Variants in PAQR5 observed in about 807,000 individuals in gnomAD.
PAQR5 encodes the protein membrane progestin receptor gamma.
A neutral mutation model predicts 34.5 loss-of-function variants in PAQR5; 20 were observed. The ratio of observed to expected loss-of-function variants is 0.58; its 90% CI spans 0.41 to 0.84. The LOEUF (loss-of-function observed/expected upper bound fraction) is 0.84. Among genes scored for constraint, PAQR5 ranks in the 40% least tolerant of loss-of-function variants. PAQR5 has a pLI of 0.00. For synonymous variants in PAQR5, 131 were observed against 155.6 expected (o/e 0.84, Z 1.18); for missense variants, 378 against 412.7 (o/e 0.92, Z 0.73).
chr15:69,335,841 A>G (rs1166651455), intron 1 of PAQR5, among the ~76,000 whole-genome samples: 1 of 152,200 alleles, frequency 6.6e-6, no homozygotes, highest in Non-Finnish European at 1.5e-5. Context: ...GTTTATAAAA[A>G]TCTTACCTTA....
In PAQR5 at chr15:69,389,657, C is replaced by G. The variant is rs750015170; in HGVS notation, c.389C>G (p.Ser130Ter). The change falls in exon 6 of 9, where the codon TCA becomes TGA. Residue 130 changes from serine (S) to a stop codon, truncating the protein, a stop_gained. Transcript: ENST00000395407. LOFTEE classifies it high-confidence loss of function. ...YGAVNLFSLG[S>*]AIAYSAYTFP... ...AAGGCTGGCTTTTCTTCCCCAGGCT[C>G]AGCCATTGCCTACTCTGCATACACG... The G allele has an allele frequency of 6.2e-7, 1 of 1,614,190 alleles. No individual in the cohort carries two copies. The highest frequency in any genetic ancestry group is 1.7e-5 in the Admixed American group (1 of 60,024).
intron 6 of PAQR5, chr15:69,391,719 G>A: frequency 2.2e-6 from 1 of 455,818 alleles, no homozygotes; most frequent in South Asian, 1.5e-5. Context: ...CACAGGTTGA[G>A]GGGGCAGAGG....
rs200890426 is a variant in PAQR5 at position 69,355,903 on chromosome 15, T to C, written c.-115-4063T>C. On this transcript the variant is annotated intron_variant, in intron 2 of 8. Transcript: ENST00000395407. ...TAAATTCTCAGCTTTTCCTTAAATC[T>C]GCGGCAGCCCACAGAGAATAATCAG... is the stretch of plus-strand genomic sequence containing the variant. 1.1e-4 allele frequency among the ~76,000 whole-genome samples: 16 copies of C among 152,238 alleles called. No individual in the cohort carries two copies. In the East Asian group the frequency reaches 3.1e-3, roughly 29 times the overall value.
At chr15:69,391,728 G>C (rs1567039408) in intron 6 of PAQR5, 1 of 455,768 alleles carries the variant, frequency 2.2e-6, no homozygotes, top group Non-Finnish European at 4.4e-6. Context: ...AGGGGGCAGA[G>C]GAGGAAGAGA....
At chr15:69,307,846 AG>A (rs1325327247) in intron 1 of PAQR5, among the ~76,000 whole-genome samples, 35 of 152,282 alleles carry the variant, frequency 2.3e-4, no homozygotes, top group Admixed American at 5.9e-4. Flanking sequence ...GTGCCGCACA[AG>A]GGTGCCCAGG....
intron 2 of PAQR5, among the ~76,000 whole-genome samples, chr15:69,351,801 A>G (rs563032358): frequency 3.3e-5 from 5 of 152,330 alleles, no homozygotes; most frequent in African/African-American, 1.2e-4. Flanking sequence ...CTAGGGATCC[A>G]GTGGTGTGGG....
At position 69,403,752 on chromosome 15, in the gene PAQR5, G is replaced by C; in HGVS notation, c.923G>C (p.Ser308Thr). 3 of 1,614,072 alleles carry C rather than the reference G, an allele frequency of 1.9e-6. No individual in the cohort carries two copies. Residue 308 changes from serine (S) to threonine (T), a missense_variant, in exon 9 of 9, where the codon AGC (serine) becomes ACC (threonine). Ser to Thr is a moderately conservative substitution (Grantham distance 58). Coordinates refer to ENST00000395407, the MANE Select transcript of PAQR5 (RefSeq NM_017705.4). ...CTTCTGTGCATCATCTTCAGCCTCA[G>C]CAACATAATTTATTTCTCAGCTGCT... ...AILLCIIFSL[S>T]NIIYFSAALY...
intron 6 of PAQR5, chr15:69,391,071 T>C (rs1193573542): frequency 6.6e-6 from 1 of 152,560 alleles, no homozygotes; most frequent in Non-Finnish European, 1.5e-5. Context: ...AAAGGTAAGC[T>C]GGCAGGTACA....
intron 3 of PAQR5, among the ~76,000 whole-genome samples, chr15:69,377,639 T>C (rs11072093): frequency 0.89 from 134,951 of 152,176 alleles, 60,860 homozygotes; most frequent in South Asian, 0.98. Flanking sequence ...GGGAATGTGC[T>C]GACCATTCAG....
chr15:69,302,768 A>C (rs576555173), intron 1 of PAQR5, among the ~76,000 whole-genome samples: 175 of 152,224 alleles, frequency 1.1e-3, no homozygotes, highest in Non-Finnish European at 2.0e-3. Context: ...CAAGCCCGTG[A>C]ACAAACCCAC....
At chr15:69,311,314 T>C (rs547389013) in intron 1 of PAQR5, among the ~76,000 whole-genome samples, 103 of 152,194 alleles carry the variant, frequency 6.8e-4, no homozygotes, top group Non-Finnish European at 1.3e-3. Flanking sequence ...GTTCACGAGA[T>C]GGCAGAAGTT....
chr15:69,379,571 G>A, intron 3 of PAQR5: 3 of 985,440 alleles, frequency 3.0e-6, no homozygotes, highest in Non-Finnish European at 3.6e-6. Context: ...AGGCAGAGGG[G>A]TGAGAAAACG....
intron 5 of PAQR5, 23 bp downstream of exon 5, chr15:69,384,905 T>A: frequency 6.3e-7 from 1 of 1,594,860 alleles, no homozygotes; most frequent in Non-Finnish European, 8.6e-7. Flanking sequence ...TTGTTCTTGC[T>A]TTCCTTCCCC....
chr15:69,358,341 G>T (rs1033978044), intron 2 of PAQR5, among the ~76,000 whole-genome samples: 1 of 152,104 alleles, frequency 6.6e-6, no homozygotes, highest in Non-Finnish European at 1.5e-5. Context: ...GCTTGGCATG[G>T]TTCTTTTGTG....
chr15:69,349,065 G>A (rs979586730), intron 2 of PAQR5, among the ~76,000 whole-genome samples: 1 of 152,106 alleles, frequency 6.6e-6, no homozygotes, highest in East Asian at 1.9e-4. Flanking sequence ...GGTACACCTG[G>A]GAGGGTGTTT....
intron 5 of PAQR5, among the ~76,000 whole-genome samples, chr15:69,388,986 C>T (rs866670363): frequency 2.6e-5 from 4 of 152,226 alleles, no homozygotes; most frequent in Non-Finnish European, 5.9e-5. Flanking sequence ...CAAATAAATG[C>T]TTCAGCAAAA....
chr15:69,362,613 G>T (rs11636135), intron 3 of PAQR5, among the ~76,000 whole-genome samples: 144,670 of 152,270 alleles, frequency 0.95, 69,170 homozygotes, highest in South Asian at 1. Context: ...CCTCAGCTTT[G>T]GCTTCTGTAA....
chr15:69,397,711 C>T (rs943432129), intron 7 of PAQR5, 147 bp downstream of exon 7: 8 of 662,416 alleles, frequency 1.2e-5, no homozygotes, highest in African/African-American at 1.8e-5. Flanking sequence ...CCAGCCCCTC[C>T]ACACCTGTGG....
chr15:69,323,420 T>G (rs1438002544), intron 1 of PAQR5, among the ~76,000 whole-genome samples: 1 of 152,182 alleles, frequency 6.6e-6, no homozygotes, highest in South Asian at 2.1e-4. Flanking sequence ...GCTGTTAGGC[T>G]TTAGGACTTG....
Sources: gnomAD v4.1 joint callset for allele counts (sites outside exome capture counted in the v4.1 genomes callset) on GRCh38, gnomAD v4.1.1 for gene constraint, MANE v1.5 for transcripts, NCBI Gene and HGNC (gene_info 2026-07-23, HGNC 2026-07-21) for gene names.